MET: variants seen among roughly 807,000 people sequenced by gnomAD.
MET encodes MET proto-oncogene, receptor tyrosine kinase.
Under a neutral mutation model 133.1 loss-of-function variants are expected in MET, and 48 were observed. The ratio of observed to expected loss-of-function variants is 0.36; its 90% CI spans 0.29 to 0.46. MET has a LOEUF of 0.46. MET is among the 20% of genes least tolerant of loss of function. The pLI, the probability that MET is intolerant of heterozygous loss-of-function variation, is 1.00. For missense variants in MET, 1,442 were observed against 1,695.9 expected (o/e 0.85, Z 2.63); for synonymous variants, 628 against 616.5 (o/e 1.02, Z -0.28).
Position 116,672,566 on chromosome 7 carries a change from G to C in MET, c.-26G>C, listed in dbSNP as rs979808981. ...GCCGCTGACTTCTCCACTGGTTCCTGGGCACCGAAAGGTAAAATTGCAGCC... is the reference window on the plus strand; with the variant it reads ...GCCGCTGACTTCTCCACTGGTTCCTCGGCACCGAAAGGTAAAATTGCAGCC... On this transcript the variant is annotated 5_prime_UTR_variant, in exon 1 of 21. Transcript: ENST00000397752. The C allele has an allele frequency of 7.6e-6, 3 of 393,856 alleles. No individual in the cohort carries two copies. Among genetic ancestry groups the C allele is most frequent in the African/African-American group, 6.2e-5 (3 of 48,380 alleles). The allele number at this position is 393,856 out of a possible 1,614,324, so 24.4% of individuals were successfully genotyped here.
At position 116,771,884 on chromosome 7, in the gene MET, G is replaced by A. The variant is rs2116996302; in HGVS notation, c.2923G>A (p.Val975Ile). The A allele has an allele frequency of 2.5e-6, 4 of 1,613,794 alleles. No individual in the cohort carries two copies. Among genetic ancestry groups the A allele is most frequent in the South Asian group, 1.1e-5 (1 of 91,074 alleles). The change falls in exon 14 of 21, where the codon GTA becomes ATA. Residue 975 changes from valine to isoleucine, a missense_variant. Around this residue, in one of 6 missense-constraint regions of MET, gnomAD observed 514 missense variants for 659.6 expected, o/e 0.78. Coordinates refer to ENST00000397752, the MANE Select transcript of MET (RefSeq NM_000245.4). Reference protein sequence around the residue: ...GSELVRYDARVHTPHLDRLVS... With the variant: ...GSELVRYDARIHTPHLDRLVS... ...TGAATTAGTTCGCTACGATGCAAGA[G>A]TACACACTCCTCATTTGGATAGGCT...
chr7:116,766,430 T>A (rs1364840315), intron 11 of MET, among the ~76,000 whole-genome samples: 2 of 152,072 alleles, frequency 1.3e-5, no homozygotes, highest in African/African-American at 2.4e-5. Context: ...AGGTGAAGCA[T>A]CAGTGTGTGG....
chr7:116,755,689 T>C (rs1292790122), intron 6 of MET, among the ~76,000 whole-genome samples, 174 bp downstream of exon 6: 1 of 152,200 alleles, frequency 6.6e-6, no homozygotes, highest in Non-Finnish European at 1.5e-5. Context: ...CATTTACTCA[T>C]TGGATTTGAA....
chr7:116,791,659 T>G (rs1695512272), intron 19 of MET, among the ~76,000 whole-genome samples: 1 of 152,166 alleles, frequency 6.6e-6, no homozygotes, highest in South Asian at 2.1e-4. Flanking sequence ...GATACACTTT[T>G]GCCAATGCAT....
In MET at chr7:116,763,371, A is replaced by G. The variant is rs182430340; in HGVS notation, c.2583+103A>G. The G allele has an allele frequency of 1.5e-4, 145 of 995,610 alleles. No individual in the cohort carries two copies. The African/African-American group carries it at 2.1e-3, about 15-fold the overall frequency. The allele number at this position is 995,610 out of a possible 1,614,324, so 61.7% of individuals were successfully genotyped here. On this transcript the variant is annotated intron_variant, in intron 11 of 20. Coordinates refer to ENST00000397752, the MANE Select transcript of MET (RefSeq NM_000245.4). ...TGTACTTGGCCATTGTATCTTATAC[A>G]ACACCAGCAAATATATAAACTCTGA...
intron 2 of MET, among the ~76,000 whole-genome samples, chr7:116,722,251 C>G (rs1354278877): frequency 6.6e-6 from 1 of 150,426 alleles, no homozygotes; most frequent in Non-Finnish European, 1.5e-5. Context: ...GGCCTTGTCT[C>G]TTTTGATCTT....
At chr7:116,716,463 GAAAGAGAA>G (rs1225209076) in intron 2 of MET, among the ~76,000 whole-genome samples, 1 of 129,042 alleles carries the variant, frequency 7.7e-6, no homozygotes, top group Non-Finnish European at 1.6e-5. Flanking sequence ...AGAAAAGAAA[GAAAGAGAA>G]AGAAAGAAAG....
chr7:116,697,555 C>T (rs540615069), intron 1 of MET, among the ~76,000 whole-genome samples: 6 of 152,226 alleles, frequency 3.9e-5, no homozygotes, highest in Non-Finnish European at 5.9e-5. Flanking sequence ...AAATTTTGGA[C>T]GCAAATTTTG....
At chr7:116,710,156 A>G (rs752631943) in intron 2 of MET, among the ~76,000 whole-genome samples, 2 of 152,150 alleles carry the variant, frequency 1.3e-5, no homozygotes, top group Non-Finnish European at 2.9e-5. Flanking sequence ...ACTTACTCTC[A>G]CTTTCAGAAC....
At chr7:116,759,160 T>C (rs1425213675) in intron 9 of MET, among the ~76,000 whole-genome samples, 1 of 152,252 alleles carries the variant, frequency 6.6e-6, no homozygotes, top group Non-Finnish European at 1.5e-5. Flanking sequence ...TTTTGTGTAA[T>C]TCGGTGAATA....
intron 2 of MET, among the ~76,000 whole-genome samples, chr7:116,729,505 A>G (rs1792914184): frequency 1.3e-5 from 2 of 152,250 alleles, no homozygotes; most frequent in Admixed American, 6.5e-5. Flanking sequence ...TTCTTAAACA[A>G]TAAAATGATT....
chr7:116,769,651 G>C lies in MET; in HGVS notation c.2590G>C (p.Asp864His), dbSNP rs1584953171. 6.2e-7 allele frequency: 1 copy of C among 1,605,230 alleles called. No individual in the cohort carries two copies. The highest frequency in any genetic ancestry group is 8.5e-7 in the Non-Finnish European group (1 of 1,175,650). ...TTTTTTTTTTTCCTTTCAGGGAAAT[G>C]ATATTGACCCTGAAGCAGTTAAAGG... The part of the protein sequence containing the change: ...NENVLEIKGN[D>H]IDPEAVKGEV... The change falls in exon 12 of 21, where the codon GAT becomes CAT. Residue 864 changes from aspartate to histidine, a missense_variant. By Grantham distance (81) the Asp-to-His change is moderately conservative. Transcript: ENST00000397752.
intron 1 of MET, among the ~76,000 whole-genome samples, chr7:116,691,905 T>A (rs551801700): frequency 6.6e-6 from 1 of 152,266 alleles, no homozygotes; most frequent in Non-Finnish European, 1.5e-5. Flanking sequence ...TCATTCTGTG[T>A]TGAAAGATGT....
intron 19 of MET, among the ~76,000 whole-genome samples, chr7:116,792,445 C>T (rs1340956559): frequency 1.5e-5 from 2 of 131,564 alleles, no homozygotes; most frequent in Non-Finnish European, 3.2e-5. Flanking sequence ...CCGACCCCCC[C>T]TCAACCGACA....
intron 1 of MET, among the ~76,000 whole-genome samples, chr7:116,680,476 A>G (rs1435798557): frequency 6.6e-6 from 1 of 152,164 alleles, no homozygotes; most frequent in African/African-American, 2.4e-5. Flanking sequence ...AATAGATAAT[A>G]AAGGAGAAGG....
At chr7:116,726,884 C>T (rs1792813653) in intron 2 of MET, among the ~76,000 whole-genome samples, 1 of 152,162 alleles carries the variant, frequency 6.6e-6, no homozygotes, top group Non-Finnish European at 1.5e-5. Context: ...AGTGAGGAAG[C>T]ACTTAGGCTG....
chr7:116,702,083 T>C (rs1165005682), intron 2 of MET, among the ~76,000 whole-genome samples: 2 of 152,190 alleles, frequency 1.3e-5, no homozygotes, highest in African/African-American at 4.8e-5. Context: ...CCTACCCTTT[T>C]GACTTTTTTA....
intron 14 of MET, among the ~76,000 whole-genome samples, chr7:116,772,713 A>G (rs570981871): frequency 1.3e-5 from 2 of 152,360 alleles, no homozygotes; most frequent in East Asian, 3.9e-4. Context: ...CATTGGACAA[A>G]TAAAATGAGT....
chr7:116,691,353 A>G (rs1277522171), intron 1 of MET, among the ~76,000 whole-genome samples: 2 of 152,222 alleles, frequency 1.3e-5, no homozygotes, highest in African/African-American at 4.8e-5. Flanking sequence ...TAATTATTCA[A>G]GTAAATAAAG....
Sources: gnomAD v4.1 joint callset for allele counts (sites outside exome capture counted in the v4.1 genomes callset) on GRCh38, gnomAD v4.1.1 for gene constraint, gnomAD v4.1.1 regional missense constraint, MANE v1.5 for transcripts, NCBI Gene and HGNC (gene_info 2026-07-23, HGNC 2026-07-21) for gene names.